The following CBLB variants were observed in gnomAD, a reference collection of about 807,000 sequenced individuals.
The protein encoded by CBLB is Cbl proto-oncogene B.
CBLB carries 31 observed loss-of-function variants against 104.9 expected under a neutral mutation model. That is an observed-to-expected ratio of 0.30 (90% CI 0.22 to 0.40). The LOEUF (loss-of-function observed/expected upper bound fraction) is 0.40. Ranked by LOEUF, CBLB falls within the 10% of genes least tolerant of loss-of-function variation. The probability of loss-of-function intolerance (pLI) is 1.00; values close to 1 mark genes in which losing one functional copy is unlikely to be tolerated. For missense variants in CBLB, 1,062 were observed against 1,214.6 expected (o/e 0.87, Z 1.87); for synonymous variants, 440 against 422.6 (o/e 1.04, Z -0.51).
At chr3:105,822,437 T>C (rs1005475806) in intron 3 of CBLB, among the ~76,000 whole-genome samples, 4 of 152,128 alleles carry the variant, frequency 2.6e-5, no homozygotes, top group Non-Finnish European at 5.9e-5. Context: ...ACCGGTACTC[T>C]CTATTTTGGG....
At chr3:105,734,665 A>C (rs1395779763) in intron 8 of CBLB, among the ~76,000 whole-genome samples, 8 of 152,160 alleles carry the variant, frequency 5.3e-5, no homozygotes, top group Non-Finnish European at 1.0e-4. Flanking sequence ...CACACTTACT[A>C]TTTCACTTCA....
chr3:105,746,192 C>T (rs537583534), intron 5 of CBLB, among the ~76,000 whole-genome samples, 154 bp from the exon 6 acceptor site: 2 of 152,270 alleles, frequency 1.3e-5, no homozygotes, highest in South Asian at 2.1e-4. Context: ...TGTTACTTAA[C>T]AGCAGACGTT....
chr3:105,745,840 G>A (rs945507590), intron 6 of CBLB, 77 bp downstream of exon 6: 37 of 1,383,678 alleles, frequency 2.7e-5, no homozygotes, highest in Non-Finnish European at 3.6e-5. Context: ...GGGTATTGCT[G>A]ACTTACTTAG....
At chr3:105,733,074 A>G (rs542883236) in intron 9 of CBLB, among the ~76,000 whole-genome samples, 55 of 152,304 alleles carry the variant, frequency 3.6e-4, no homozygotes, top group Admixed American at 1.3e-3. Context: ...ATGAAGAAAT[A>G]TAAGAAAGCC....
At chr3:105,710,724 G>C (rs1041918167) in intron 10 of CBLB, among the ~76,000 whole-genome samples, 1 of 151,798 alleles carries the variant, frequency 6.6e-6, no homozygotes, top group African/African-American at 2.4e-5. Flanking sequence ...TTACAAACTA[G>C]AATCCTGGTG....
At chr3:105,790,505 C>A (rs569757814) in intron 3 of CBLB, among the ~76,000 whole-genome samples, 6 of 152,272 alleles carry the variant, frequency 3.9e-5, no homozygotes, top group East Asian at 1.9e-4. Flanking sequence ...ACTCAATGAA[C>A]CTTTTTTGAG....
chr3:105,863,458 C>G (rs370122420), intron 2 of CBLB, among the ~76,000 whole-genome samples: 175 of 152,282 alleles, frequency 1.1e-3, no homozygotes, highest in African/African-American at 4.0e-3. Context: ...GGTTTTAAGG[C>G]TCTAGGAATG....
At chr3:105,709,177 A>G (rs781456620) in intron 10 of CBLB, among the ~76,000 whole-genome samples, 13 of 151,970 alleles carry the variant, frequency 8.6e-5, no homozygotes, top group Non-Finnish European at 1.5e-4. Context: ...ACTGACCTTT[A>G]AAAAAGCAAA....
intron 3 of CBLB, among the ~76,000 whole-genome samples, chr3:105,799,177 C>CAAAAAAA (rs11372400): frequency 2.1e-3 from 148 of 69,564 alleles, no homozygotes; most frequent in Middle Eastern, 0.013. Context: ...TGACAAAGAA[C>CAAAAAAA]AAAAAAAAAA....
chr3:105,725,764 T>C (rs1314717128), intron 9 of CBLB, among the ~76,000 whole-genome samples: 1 of 152,238 alleles, frequency 6.6e-6, no homozygotes, highest in East Asian at 1.9e-4. Flanking sequence ...TTGTAGTACC[T>C]AAGTTATAAA....
At chr3:105,829,146 A>G (rs2087035768) in intron 3 of CBLB, among the ~76,000 whole-genome samples, 1 of 152,140 alleles carries the variant, frequency 6.6e-6, no homozygotes, top group African/African-American at 2.4e-5. Flanking sequence ...ATATTCCCCA[A>G]AGTAATGAAA....
At chr3:105,858,389 T>C (rs1455327081) in intron 2 of CBLB, among the ~76,000 whole-genome samples, 1 of 152,162 alleles carries the variant, frequency 6.6e-6, no homozygotes, top group African/African-American at 2.4e-5. Context: ...AAAGAAAAAT[T>C]GCTTTTCTAA....
In CBLB at chr3:105,718,905, C is replaced by T. The variant is rs80071440; in HGVS notation, c.1407+1142G>A. 9.7e-3 allele frequency among the ~76,000 whole-genome samples: 1,470 copies of T among 152,310 alleles called. 13 individuals carry two copies. Among genetic ancestry groups the T allele is most frequent in the Non-Finnish European group, 0.017 (1,144 of 68,022 alleles). The stretch of plus-strand genomic sequence containing the variant: ...AGGGAATAGCCTGATATCCAAGAGT[C>T]TACCTCTCTTGACCACTGTATTTCT... On this transcript the variant is annotated intron_variant, in intron 10 of 18. Coordinates refer to ENST00000394030, the MANE Select transcript of CBLB (RefSeq NM_170662.5).
At chr3:105,809,941 TAAC>T (rs1479585619) in intron 3 of CBLB, among the ~76,000 whole-genome samples, 6 of 152,150 alleles carry the variant, frequency 3.9e-5, no homozygotes, top group Non-Finnish European at 7.4e-5. Context: ...CACTCCCTAA[TAAC>T]AAAATATAAG....
chr3:105,868,419 G>A (rs1560607677), intron 1 of CBLB: 2 of 396,442 alleles, frequency 5.0e-6, no homozygotes, highest in South Asian at 1.4e-4. Context: ...GACTGGGAGG[G>A]GACAAAGTGT....
intron 4 of CBLB, among the ~76,000 whole-genome samples, chr3:105,772,648 A>T (rs2078999577): frequency 6.6e-6 from 1 of 152,244 alleles, no homozygotes; most frequent in Non-Finnish European, 1.5e-5. Flanking sequence ...AGAATCTACA[A>T]GGACCTAAAA....
intron 3 of CBLB, among the ~76,000 whole-genome samples, chr3:105,804,172 G>A (rs926410417): frequency 6.6e-6 from 1 of 152,140 alleles, no homozygotes; most frequent in African/African-American, 2.4e-5. Context: ...AAATGTGGTT[G>A]CTCTAAATTG....
At position 105,743,252 on chromosome 3, in the gene CBLB, G is replaced by GT. The variant is rs572494351; in HGVS notation, c.846-2622dup. Among the ~76,000 whole-genome samples the GT allele has an allele frequency of 8.1e-3, 1,236 of 152,134 alleles. 9 individuals are homozygous for GT. The highest frequency in any genetic ancestry group is 0.013 in the Non-Finnish European group (911 of 67,990). On this transcript the variant is annotated intron_variant, in intron 6 of 18. Transcript: ENST00000394030. ...CAAGGTGGATCATTTGAGGCCAGGA[G>GT]TTCGAGGCCACCATGGCCAACATGG... is the stretch of plus-strand genomic sequence containing the variant.
intron 10 of CBLB, among the ~76,000 whole-genome samples, chr3:105,705,285 C>T (rs528088404): frequency 1.3e-5 from 2 of 152,242 alleles, no homozygotes; most frequent in South Asian, 2.1e-4. Context: ...AATGGATTTG[C>T]GTTCACATTC....
Sources: allele counts gnomAD v4.1 joint callset (sites outside exome capture counted in the v4.1 genomes callset), GRCh38; gene constraint gnomAD v4.1.1; transcripts MANE v1.5; gene names NCBI Gene and HGNC (gene_info 2026-07-23, HGNC 2026-07-21).